Variants in DCHS2 observed in about 807,000 individuals in gnomAD.
DCHS2 encodes the protein dachsous cadherin-related 2.
Under a neutral mutation model 182.4 loss-of-function variants are expected in DCHS2, and 142 were observed. That is an observed-to-expected ratio of 0.78 (90% CI 0.68 to 0.89). The LOEUF is 0.89. Among genes scored for constraint, DCHS2 ranks in the 40% least tolerant of loss-of-function variants. The pLI, the probability that DCHS2 is intolerant of heterozygous loss-of-function variation, is 0.00. For missense variants in DCHS2, 4,319 were observed against 4,198.6 expected (o/e 1.03, Z -0.79); for synonymous variants, 1,740 against 1,663.3 (o/e 1.05, Z -1.12).
intron 4 of DCHS2, chr4:154,334,525 A>G (rs1260475375): frequency 4.6e-6 from 1 of 216,756 alleles, no homozygotes; most frequent in Non-Finnish European, 9.2e-6. Context: ...CTCTATAACA[A>G]CAAATATAGA....
chr4:154,285,501 C>T lies in DCHS2; in HGVS notation c.6463+12350G>A, dbSNP rs370968503. Among the ~76,000 whole-genome samples the T allele has an allele frequency of 1.1e-4, 17 of 152,306 alleles. No homozygotes were observed. In the East Asian group the frequency reaches 3.1e-3, roughly 28 times the overall value. The stretch of plus-strand genomic sequence containing the variant: ...CTGCCCCAAGGCAGAGGGGAGCCTA[C>T]TGCCTTGAAGGGAGAGTTCCAGGCC... On this transcript the variant is annotated intron_variant, in intron 13 of 19. Transcript: ENST00000357232.
Position 154,334,862 on chromosome 4 carries a change from A to T in DCHS2, c.2713+6T>A. On this transcript the variant is annotated splice_donor_region_variant and intron_variant, in intron 4 of 19. Coordinates refer to ENST00000357232, the MANE Select transcript of DCHS2 (RefSeq NM_001358235.2). ...ATTCCATGCAGCATAAGAAATAAGT[A>T]CTTACTCAAGGGCTCTCTTGCTTTC... is the stretch of plus-strand genomic sequence containing the variant. The T allele has an allele frequency of 6.3e-7, 1 of 1,592,888 alleles. No homozygotes were observed. Among genetic ancestry groups the T allele is most frequent in the Non-Finnish European group, 8.6e-7 (1 of 1,160,746 alleles).
intron 1 of DCHS2, among the ~76,000 whole-genome samples, chr4:154,418,016 A>C (rs1732946746): frequency 6.6e-6 from 1 of 152,208 alleles, no homozygotes; most frequent in African/African-American, 2.4e-5. Context: ...TAGTAGGAAA[A>C]ATGACCTACC....
At chr4:154,433,781 A>T (rs751274039) in intron 1 of DCHS2, among the ~76,000 whole-genome samples, 77 of 152,202 alleles carry the variant, frequency 5.1e-4, no homozygotes, top group Non-Finnish European at 9.6e-4. Flanking sequence ...AGGCTCCTGC[A>T]GTGGCCTCGC....
chr4:154,337,057 C>T (rs189226505), intron 3 of DCHS2, among the ~76,000 whole-genome samples: 5 of 152,312 alleles, frequency 3.3e-5, no homozygotes, highest in Non-Finnish European at 7.4e-5. Context: ...TGGTTTCAGA[C>T]TGATTTGATG....
chr4:154,339,510 C>T (rs1420405094), intron 3 of DCHS2, among the ~76,000 whole-genome samples: 3 of 150,258 alleles, frequency 2.0e-5, no homozygotes, highest in East Asian at 2.0e-4. Context: ...AGTGCAGTGG[C>T]GTGATCTCGG....
rs115068508 is a variant in DCHS2 at position 154,267,242 on chromosome 4, A to T, written c.6577+2658T>A. ...AATACCAGGCAGGTGTGTGACCTTG[A>T]TAACTCAAATACCAGGCAGGTGTGT... On this transcript the variant is annotated intron_variant, in intron 14 of 19. Transcript: ENST00000357232. Among the ~76,000 whole-genome samples the T allele has an allele frequency of 2.8e-3, 426 of 152,294 alleles. 3 individuals are homozygous for T. Among genetic ancestry groups the T allele is most frequent in the African/African-American group, 9.4e-3 (391 of 41,570 alleles).
intron 1 of DCHS2, among the ~76,000 whole-genome samples, chr4:154,448,433 C>G (rs1435433883): frequency 6.6e-6 from 1 of 152,118 alleles, no homozygotes; most frequent in African/African-American, 2.4e-5. Context: ...CTCTCAATAT[C>G]CAACCCCTTA....
intron 7 of DCHS2, among the ~76,000 whole-genome samples, chr4:154,326,671 C>T (rs1469563736): frequency 6.6e-5 from 10 of 152,094 alleles, no homozygotes; most frequent in African/African-American, 2.4e-4. Flanking sequence ...CATCTTTTCC[C>T]CATTTATTTT....
chr4:154,293,769 C>G (rs570700321), intron 13 of DCHS2, among the ~76,000 whole-genome samples: 2 of 152,160 alleles, frequency 1.3e-5, no homozygotes, highest in Non-Finnish European at 2.9e-5. Flanking sequence ...AATTTAAAGG[C>G]CATCAATGTC....
intron 3 of DCHS2, among the ~76,000 whole-genome samples, chr4:154,363,026 G>C (rs1730194640): frequency 1.3e-5 from 2 of 152,170 alleles, no homozygotes; most frequent in Non-Finnish European, 2.9e-5. Context: ...ACTATGTGGA[G>C]GGTTAGCATC....
chr4:154,442,535 C>A (rs1277331415), intron 1 of DCHS2, among the ~76,000 whole-genome samples: 2 of 77,184 alleles, frequency 2.6e-5, no homozygotes, highest in Non-Finnish European at 3.1e-5. Flanking sequence ...GGACACCCCC[C>A]CCCCCCCACA....
In DCHS2 at chr4:154,239,247, G is replaced by A; in HGVS notation, c.7415C>T (p.Thr2472Ile). The A allele has an allele frequency of 1.2e-6, 2 of 1,613,506 alleles. No individual in the cohort carries two copies. Among genetic ancestry groups the A allele is most frequent in the Admixed American group, 1.7e-5 (1 of 59,960 alleles). ...AATGTTCTCATTGCTTTCTAAGTCT[G>A]TGGCTGACAGAGTCAGCACTGAATA... Reference protein sequence around the residue: ...VGYSVLTLSATDLESNENISY... With the variant: ...VGYSVLTLSAIDLESNENISY... Residue 2472 changes from threonine to isoleucine, a missense_variant, in exon 19 of 20, where the codon ACA becomes ATA. By Grantham distance (89) the Thr-to-Ile change is moderately conservative. Transcript: ENST00000357232.
intron 1 of DCHS2, among the ~76,000 whole-genome samples, chr4:154,471,366 T>A (rs1437503407): frequency 1.3e-5 from 2 of 152,208 alleles, no homozygotes; most frequent in Non-Finnish European, 2.9e-5. Context: ...AAAAATATGT[T>A]CCTGATAATA....
intron 1 of DCHS2, among the ~76,000 whole-genome samples, chr4:154,405,401 T>C (rs1278563788): frequency 2.0e-5 from 3 of 150,674 alleles, no homozygotes; most frequent in East Asian, 3.9e-4. Context: ...TGGACACTGA[T>C]TTTTTTTCCC....
chr4:154,376,898 C>T (rs72723371), intron 2 of DCHS2, among the ~76,000 whole-genome samples: 52,420 of 151,896 alleles, frequency 0.35, 10,328 homozygotes, highest in Non-Finnish European at 0.46. Flanking sequence ...AAGAATATAT[C>T]GATCAAATCA....
intron 2 of DCHS2, among the ~76,000 whole-genome samples, chr4:154,368,722 C>T (rs1730509992): frequency 6.6e-6 from 1 of 152,154 alleles, no homozygotes; most frequent in Non-Finnish European, 1.5e-5. Flanking sequence ...TGGTCTCGAA[C>T]TCCTGACCTC....
chr4:154,247,343 T>G (rs1195265853), intron 16 of DCHS2, among the ~76,000 whole-genome samples: 1 of 151,738 alleles, frequency 6.6e-6, no homozygotes, highest in Non-Finnish European at 1.5e-5. Flanking sequence ...CTGGGTGTGG[T>G]AGCGGGCGCC....
At position 154,300,114 on chromosome 4, in the gene DCHS2, T is replaced by G. The variant is rs77954350; in HGVS notation, c.5606-1406A>C. Among the ~76,000 whole-genome samples, 800 of 152,250 alleles carry G rather than the reference T, an allele frequency of 5.3e-3. 8 individuals are homozygous for G. The highest frequency in any genetic ancestry group is 0.018 in the African/African-American group (767 of 41,548). Reference sequence around the variant, plus strand: ...GTGGGAAGTTCTAGGAATATAAGAATTAACAGGCTGCAAATGTTTGGGTGT... The same window carrying G: ...GTGGGAAGTTCTAGGAATATAAGAAGTAACAGGCTGCAAATGTTTGGGTGT... On this transcript the variant is annotated intron_variant, in intron 12 of 19. Coordinates refer to ENST00000357232, the MANE Select transcript of DCHS2 (RefSeq NM_001358235.2).
Sources: allele counts gnomAD v4.1 joint callset (sites outside exome capture counted in the v4.1 genomes callset), GRCh38; gene constraint gnomAD v4.1.1; transcripts MANE v1.5; gene names NCBI Gene and HGNC (gene_info 2026-07-23, HGNC 2026-07-21).